The following ATP2B2 variants were observed in gnomAD, a reference collection of about 807,000 sequenced individuals.
ATP2B2 encodes ATPase plasma membrane Ca2+ transporting 2.
A neutral mutation model predicts 120.0 loss-of-function variants in ATP2B2; 15 were observed. That is an observed-to-expected ratio of 0.12 (90% CI 0.08 to 0.19). The LOEUF (loss-of-function observed/expected upper bound fraction) is 0.19, where lower values mean the gene tolerates loss of function less well. Ranked by LOEUF, ATP2B2 falls within the 10% of genes least tolerant of loss-of-function variation. The pLI, the probability that ATP2B2 is intolerant of heterozygous loss-of-function variation, is 1.00. For missense variants in ATP2B2, 1,045 were observed against 1,719.8 expected (o/e 0.61, Z 6.94); for synonymous variants, 694 against 700.3 (o/e 0.99, Z 0.14).
chr3:10,462,239 G>T (rs2064523495), intron 1 of ATP2B2, among the ~76,000 whole-genome samples: 2 of 152,160 alleles, frequency 1.3e-5, no homozygotes, highest in African/African-American at 4.8e-5. Flanking sequence ...GCTCTCCTAA[G>T]TCTCCTCATT....
chr3:10,613,281 T>C (rs573139303), intron 2 of ATP2B2, among the ~76,000 whole-genome samples: 3 of 152,274 alleles, frequency 2.0e-5, no homozygotes, highest in African/African-American at 7.2e-5. Context: ...TCCTGATTTG[T>C]ATCCTTCACA....
chr3:10,394,484 C>G, intron 5 of ATP2B2: 1 of 471,266 alleles, frequency 2.1e-6, no homozygotes, highest in Non-Finnish European at 4.4e-6. Context: ...GGAGCCGGGA[C>G]TTGAACCCGT....
intron 14 of ATP2B2, among the ~76,000 whole-genome samples, chr3:10,354,687 TG>T (rs1298197809): frequency 6.6e-6 from 1 of 152,198 alleles, no homozygotes; most frequent in Non-Finnish European, 1.5e-5. Flanking sequence ...TTCTACCCTT[TG>T]GGCTTCTCGT....
chr3:10,345,208 G>A (rs541868533), intron 18 of ATP2B2, among the ~76,000 whole-genome samples, 176 bp downstream of exon 18: 1 of 152,344 alleles, frequency 6.6e-6, no homozygotes, highest in East Asian at 1.9e-4. Flanking sequence ...CCTGGGGCCA[G>A]TGCCTGCACC....
intron 1 of ATP2B2, among the ~76,000 whole-genome samples, chr3:10,470,536 G>C (rs183036750): frequency 3.3e-5 from 5 of 152,202 alleles, no homozygotes; most frequent in Admixed American, 6.5e-5. Flanking sequence ...ACTGGGGCAG[G>C]GGGTGAGGGG....
At position 10,326,437 on chromosome 3, in the gene ATP2B2, T is replaced by G; in HGVS notation, c.*2377A>C. On this transcript the variant is annotated 3_prime_UTR_variant, in exon 23 of 23. Coordinates refer to ENST00000360273, the MANE Select transcript of ATP2B2 (RefSeq NM_001001331.4). ...GGCTCCGAATGAACATGGAGCATGGTGTGCAAACACAGCTATCCTGATGTC... is the reference window on the plus strand; with the variant it reads ...GGCTCCGAATGAACATGGAGCATGGGGTGCAAACACAGCTATCCTGATGTC... The G allele has an allele frequency of 3.0e-6, 1 of 333,322 alleles. No individual in the cohort carries two copies. The allele number at this position is 333,322 out of a possible 1,614,324, so 20.6% of individuals were successfully genotyped here. A position where few individuals can be genotyped will look rare whatever the true frequency, so the allele number is the denominator to read the frequency against.
chr3:10,564,451 G>T (rs1348742173), intron 2 of ATP2B2, among the ~76,000 whole-genome samples: 2 of 152,124 alleles, frequency 1.3e-5, no homozygotes, highest in Non-Finnish European at 2.9e-5. Context: ...CCCCAACAGT[G>T]GGGGCATGCT....
At chr3:10,689,107 G>A (rs1202619909) in intron 1 of ATP2B2, among the ~76,000 whole-genome samples, 1 of 152,218 alleles carries the variant, frequency 6.6e-6, no homozygotes, top group East Asian at 1.9e-4. Flanking sequence ...GCACCATTCA[G>A]CTAATGGGGA....
intron 1 of ATP2B2, among the ~76,000 whole-genome samples, chr3:10,476,060 C>A (rs2065190465): frequency 6.6e-6 from 1 of 152,190 alleles, no homozygotes; most frequent in East Asian, 1.9e-4. Context: ...TCCAGTTACT[C>A]CTTTAGGGAC....
intron 22 of ATP2B2, among the ~76,000 whole-genome samples, chr3:10,336,943 A>G (rs1041038875): frequency 1.3e-5 from 2 of 152,198 alleles, no homozygotes; most frequent in Non-Finnish European, 2.9e-5. Context: ...CAGGGCAGTG[A>G]CAGCACCAGG....
intron 1 of ATP2B2, among the ~76,000 whole-genome samples, chr3:10,470,437 T>C (rs775898836): frequency 2.0e-4 from 30 of 152,144 alleles, no homozygotes; most frequent in African/African-American, 7.2e-5. Context: ...AGCTTCACCC[T>C]GAGCCACACT....
chr3:10,642,538 C>T (rs1456175724), intron 1 of ATP2B2, among the ~76,000 whole-genome samples: 5 of 152,184 alleles, frequency 3.3e-5, no homozygotes, highest in South Asian at 2.1e-4. Flanking sequence ...CACCCACACA[C>T]GTACACACAA....
At chr3:10,579,624 A>G (rs777121202) in intron 2 of ATP2B2, among the ~76,000 whole-genome samples, 1 of 152,092 alleles carries the variant, frequency 6.6e-6, no homozygotes, top group Non-Finnish European at 1.5e-5. Context: ...GCCTGGCCAA[A>G]ATGGCAAAAC....
At chr3:10,581,815 C>G (rs900554207) in intron 2 of ATP2B2, among the ~76,000 whole-genome samples, 1 of 152,214 alleles carries the variant, frequency 6.6e-6, no homozygotes, top group East Asian at 1.9e-4. Context: ...CGGGGAGCAT[C>G]ATGGGCTTGT....
chr3:10,499,330 G>A (rs1227922338), intron 1 of ATP2B2, among the ~76,000 whole-genome samples: 3 of 152,184 alleles, frequency 2.0e-5, no homozygotes, highest in East Asian at 1.9e-4. Context: ...TTTGCCTCAC[G>A]TGACAACCGG....
At chr3:10,499,664 C>T (rs1045398327) in intron 1 of ATP2B2, among the ~76,000 whole-genome samples, 3 of 152,166 alleles carry the variant, frequency 2.0e-5, no homozygotes, top group Non-Finnish European at 2.9e-5. Context: ...ACATGTTGGT[C>T]TCCTGGGACC....
At chr3:10,387,455 T>C (rs888718916) in intron 6 of ATP2B2, among the ~76,000 whole-genome samples, 1 of 152,234 alleles carries the variant, frequency 6.6e-6, no homozygotes, top group Non-Finnish European at 1.5e-5. Flanking sequence ...GTTCTGAATG[T>C]CACAGATCCT....
At chr3:10,451,129 T>C (rs1234160391) in intron 1 of ATP2B2, among the ~76,000 whole-genome samples, 1 of 152,132 alleles carries the variant, frequency 6.6e-6, no homozygotes, top group Non-Finnish European at 1.5e-5. Flanking sequence ...AACTTGAAGC[T>C]CAGAGAGGGA....
At position 10,527,006 on chromosome 3, in the gene ATP2B2, A is replaced by T. The variant is rs147746469; in HGVS notation, c.-320+7033T>A. Among the ~76,000 whole-genome samples the T allele has an allele frequency of 2.3e-3, 348 of 152,310 alleles. 1 individual carries two copies. The highest frequency in any genetic ancestry group is 8.1e-3 in the African/African-American group (338 of 41,556). ...TATTATCCCCATTTCATGGGTTTTT[A>T]AAATGGGGTCAAAGGGTCGAGAGCG... On this transcript the variant is annotated intron_variant, in intron 3 of 21. Transcript: ENST00000646379.
Sources: allele counts gnomAD v4.1 joint callset (sites outside exome capture counted in the v4.1 genomes callset), GRCh38; gene constraint gnomAD v4.1.1; transcripts MANE v1.5; gene names NCBI Gene and HGNC (gene_info 2026-07-23, HGNC 2026-07-21).